Variants in PCDHA12 observed in about 807,000 individuals in gnomAD.
The protein encoded by PCDHA12 is protocadherin alpha 12, also known as protocadherin alpha-12.
A neutral mutation model predicts 60.0 loss-of-function variants in PCDHA12; 44 were observed. That is an observed-to-expected ratio of 0.73 (90% CI 0.58 to 0.94). The LOEUF (loss-of-function observed/expected upper bound fraction) is 0.94, where lower values mean the gene tolerates loss of function less well. Among genes scored for constraint, PCDHA12 ranks in the 40% least tolerant of loss-of-function variants. The pLI is 0.00. For synonymous variants in PCDHA12, 569 were observed against 553.0 expected, an observed-to-expected ratio of 1.03 and a Z score of -0.40; for missense variants, 1,276 against 1,239.7, an observed-to-expected ratio of 1.03 and a Z score of -0.44.
At chr5:140,967,146 A>G (rs782158011) in intron 1 of PCDHA12, 2 of 1,610,972 alleles carry the variant, frequency 1.2e-6, no homozygotes, top group South Asian at 1.1e-5. Flanking sequence ...CTGGCGCACA[A>G]CCCCGTGGCG....
At chr5:140,998,943 G>T (rs1366415632) in intron 3 of PCDHA12, among the ~76,000 whole-genome samples, 2 of 152,212 alleles carry the variant, frequency 1.3e-5, no homozygotes, top group African/African-American at 2.4e-5. Flanking sequence ...TGAAGAAACT[G>T]TAAGTCAATG....
At chr5:140,980,307 TA>T (rs1554241617) in intron 2 of PCDHA12, among the ~76,000 whole-genome samples, 2 of 152,140 alleles carry the variant, frequency 1.3e-5, no homozygotes, top group African/African-American at 4.8e-5. Context: ...AGTTGTGCCT[TA>T]AAAACTACAT....
At position 141,009,794 on chromosome 5, in the gene PCDHA12, A is replaced by G. The variant is rs1314860754; in HGVS notation, c.2683A>G (p.Thr895Ala). 1.2e-6 allele frequency: 2 copies of G among 1,614,042 alleles called. No homozygotes were observed. Among genetic ancestry groups the G allele is most frequent in the South Asian group, 1.1e-5 (1 of 91,076 alleles). Reference protein sequence around the residue: ...PAIISIRQEPTNSQIDKSDFI... With the variant: ...PAIISIRQEPANSQIDKSDFI... ...AATCATCTCCATCCGGCAGGAGCCTACTAACAGCCAAATTGACAAAAGTGA... is the reference window on the plus strand; with the variant it reads ...AATCATCTCCATCCGGCAGGAGCCTGCTAACAGCCAAATTGACAAAAGTGA... The change falls in exon 4 of 4, where the codon ACT (threonine) becomes GCT (alanine). Residue 895 changes from threonine (T) to alanine (A), a missense_variant. Physicochemically the swap from Thr to Ala is moderately conservative, Grantham distance 58. Coordinates refer to ENST00000398631, the MANE Select transcript of PCDHA12 (RefSeq NM_018903.4).
At chr5:140,880,349 TGAATTTA>T in intron 1 of PCDHA12, among the ~76,000 whole-genome samples, 1 of 152,224 alleles carries the variant, frequency 6.6e-6, no homozygotes, top group East Asian at 1.9e-4. Flanking sequence ...AGGCAGCAGG[TGAATTTA>T]GATGAAAACC....
At chr5:141,001,975 G>C (rs900969211) in intron 3 of PCDHA12, among the ~76,000 whole-genome samples, 8 of 152,184 alleles carry the variant, frequency 5.3e-5, no homozygotes, top group African/African-American at 1.9e-4. Flanking sequence ...GTCTCTGCGC[G>C]GAAAGCCTGG....
In PCDHA12 at chr5:140,875,894, C is replaced by T; in HGVS notation, c.422C>T (p.Pro141Leu). ...PVFREREQKV[P>L]VSESAPLDSH... The stretch of plus-strand genomic sequence containing the variant: ...TTCAGAGAAAGGGAACAAAAGGTAC[C>T]TGTTTCTGAATCTGCGCCTCTGGAC... Residue 141 changes from proline (P) to leucine (L), a missense_variant, in exon 1 of 4, where the codon CCT becomes CTT. Coordinates refer to ENST00000398631, the MANE Select transcript of PCDHA12 (RefSeq NM_018903.4). The T allele has an allele frequency of 6.2e-7, 1 of 1,614,170 alleles. No homozygotes were observed. The highest frequency in any genetic ancestry group is 8.5e-7 in the Non-Finnish European group (1 of 1,180,036).
rs535622037 is a variant in PCDHA12 at position 140,926,265 on chromosome 5, G to T, written c.2367+48426G>T. The T allele has an allele frequency of 8.1e-3, 1,228 of 152,360 alleles. 6 individuals carry two copies. The highest frequency in any genetic ancestry group is 0.019 in the African/African-American group (792 of 41,548). 9.4% of individuals were successfully genotyped at this position (152,360 alleles called of 1,614,324 possible). ...CACGTTCACCGTCCCGCCTCTCGCC[G>T]CCTCCGCTCGGCAGCTCCACGCTGA... is the stretch of plus-strand genomic sequence containing the variant. On this transcript the variant is annotated intron_variant, in intron 1 of 3. Transcript: ENST00000398631.
intron 1 of PCDHA12, among the ~76,000 whole-genome samples, chr5:140,933,899 G>T (rs2089496307): frequency 6.6e-6 from 1 of 151,508 alleles, no homozygotes; most frequent in African/African-American, 2.4e-5. Flanking sequence ...TGAATATTTT[G>T]GCATAAAGTT....
At chr5:140,883,932 T>A (rs1554180637) in intron 1 of PCDHA12, 2 of 1,613,418 alleles carry the variant, frequency 1.2e-6, no homozygotes. Context: ...CAGGTGTTCG[T>A]GCTGGACGAG....
Position 140,876,764 on chromosome 5 carries a change from G to A in PCDHA12, c.1292G>A (p.Gly431Asp), listed in dbSNP as rs1562718507. Residue 431 changes from glycine to aspartate, a missense_variant, in exon 1 of 4, where the codon GGC becomes GAC. Physicochemically the swap from Gly to Asp is moderately conservative, Grantham distance 94. Coordinates refer to ENST00000398631, the MANE Select transcript of PCDHA12 (RefSeq NM_018903.4). Reference sequence around the variant, plus strand: ...CTGGTGGTGACTGCGCGGGATGGGGGCTCGCCTTCGCTGTGGGCCACGGCT... The same window carrying A: ...CTGGTGGTGACTGCGCGGGATGGGGACTCGCCTTCGCTGTGGGCCACGGCT... ...YELVVTARDG[G>D]SPSLWATARV... 1.9e-6 allele frequency: 3 copies of A among 1,614,220 alleles called. No homozygotes were observed. The highest frequency in any genetic ancestry group is 2.5e-6 in the Non-Finnish European group (3 of 1,180,036).
chr5:141,010,030 C>CTAG lies in PCDHA12; in HGVS notation c.*93_*94insTAG. The stretch of plus-strand genomic sequence containing the variant: ...ATTCCCTGCTCCTTTTTCCTATCTA[C>CTAG]ATGAGCCCTCTTAGAGACCTCAGAA... On this transcript the variant is annotated 3_prime_UTR_variant, in exon 4 of 4. Coordinates refer to ENST00000398631, the MANE Select transcript of PCDHA12 (RefSeq NM_018903.4). 1 of 1,580,910 alleles carries CTAG rather than the reference C, an allele frequency of 6.3e-7. No homozygotes were observed. Among genetic ancestry groups the CTAG allele is most frequent in the Admixed American group, 1.8e-5 (1 of 54,776 alleles).
At chr5:140,904,154 C>T (rs1163595423) in intron 1 of PCDHA12, among the ~76,000 whole-genome samples, 1 of 152,060 alleles carries the variant, frequency 6.6e-6, no homozygotes, top group Non-Finnish European at 1.5e-5. Flanking sequence ...ACATTGCACC[C>T]AGTTTGTAGT....
At chr5:140,975,307 A>G (rs1190412792) in intron 1 of PCDHA12, among the ~76,000 whole-genome samples, 1 of 152,162 alleles carries the variant, frequency 6.6e-6, no homozygotes, top group Non-Finnish European at 1.5e-5. Context: ...AGCTCATGTG[A>G]TTATGTCAGT....
intron 1 of PCDHA12, among the ~76,000 whole-genome samples, chr5:140,946,691 G>A (rs782114019): frequency 3.4e-5 from 5 of 147,578 alleles, no homozygotes; most frequent in African/African-American, 5.1e-5. Context: ...TGACAATATG[G>A]ATGAATCTGG....
intron 1 of PCDHA12, chr5:140,969,531 A>G: frequency 7.4e-7 from 1 of 1,356,026 alleles, no homozygotes; most frequent in South Asian, 1.6e-5. Context: ...TTTATTTTTC[A>G]TTTTCAGAGG....
In PCDHA12 at chr5:140,915,632, C is replaced by CTCTG. The variant is rs1161142039; in HGVS notation, c.2367+37796_2367+37797insGTCT. 3.9e-3 allele frequency among the ~76,000 whole-genome samples: 565 copies of CTCTG among 144,610 alleles called. 2 individuals are homozygous for CTCTG. Among genetic ancestry groups the CTCTG allele is most frequent in the African/African-American group, 0.016 (538 of 34,672 alleles). 94.9% of individuals were successfully genotyped at this position (144,610 alleles called of 152,430 possible). A position where few individuals can be genotyped will look rare whatever the true frequency, so the allele number is the denominator to read the frequency against. On this transcript the variant is annotated intron_variant, in intron 1 of 3. Coordinates refer to ENST00000398631, the MANE Select transcript of PCDHA12 (RefSeq NM_018903.4). ...TGTCAAACAGTCTCTTTCTGTCTCT[C>CTCTG]TCTCTCTCTCTCTCTCTCTCTCTCA...
intron 1 of PCDHA12, among the ~76,000 whole-genome samples, chr5:140,901,586 T>C (rs550614771): frequency 9.2e-5 from 14 of 152,348 alleles, no homozygotes; most frequent in African/African-American, 3.4e-4. Context: ...AGTGCCATGA[T>C]GTTTTGGTTA....
chr5:140,973,825 T>A (rs1253333011), intron 1 of PCDHA12, among the ~76,000 whole-genome samples: 5 of 152,246 alleles, frequency 3.3e-5, no homozygotes, highest in Non-Finnish European at 5.9e-5. Context: ...AAGTCAGTTC[T>A]GGGTACTTGC....
intron 1 of PCDHA12, among the ~76,000 whole-genome samples, chr5:140,976,433 C>T (rs2096716122): frequency 6.6e-6 from 1 of 152,036 alleles, no homozygotes; most frequent in South Asian, 2.1e-4. Context: ...TGCCTGTAAT[C>T]CCAGCTACTA....
Sources: gnomAD v4.1 joint callset for allele counts (sites outside exome capture counted in the v4.1 genomes callset) on GRCh38, gnomAD v4.1.1 for gene constraint, MANE v1.5 for transcripts, NCBI Gene and HGNC (gene_info 2026-07-23, HGNC 2026-07-21) for gene names.